The following DIAPH2 variants were observed in gnomAD, a reference collection of about 807,000 sequenced individuals.
DIAPH2 encodes the protein diaphanous related formin 2, also known as protein diaphanous homolog 2.
A neutral mutation model predicts 92.7 loss-of-function variants in DIAPH2; 35 were observed. The observed-to-expected ratio is 0.38, with a 90% CI of 0.29 to 0.50. DIAPH2 has a LOEUF of 0.50. DIAPH2 is among the 20% of genes least tolerant of loss of function. The pLI, the probability that DIAPH2 is intolerant of heterozygous loss-of-function variation, is 0.94. For synonymous variants in DIAPH2, 301 were observed against 280.4 expected, an observed-to-expected ratio of 1.07 and a Z score of -0.73; for missense variants, 701 against 819.5, an observed-to-expected ratio of 0.86 and a Z score of 1.77.
At chrX:97,385,654 C>G (rs2069592945) in intron 25 of DIAPH2, among the ~76,000 whole-genome samples, 1 of 111,675 alleles carries the variant, frequency 9.0e-6, no homozygotes, top group Admixed American at 9.5e-5. Context: ...GTCACACAAA[C>G]AGGAAGTACT....
In DIAPH2 at chrX:97,602,755, A is replaced by G. The variant is rs1340949026; in HGVS notation, c.*3438A>G. 1.8e-5 allele frequency: 2 copies of G among 111,674 alleles called. No individual in the cohort carries two copies. The highest frequency in any genetic ancestry group is 1.9e-4 in the Admixed American group (2 of 10,545). 9.2% of individuals were successfully genotyped at this position (111,674 alleles called of 1,213,427 possible). ...CTGCTCTCGGGATGGTGCTTCCTTT[A>G]TCTTGAAGGGTGGCACATGTTTGCA... On this transcript the variant is annotated 3_prime_UTR_variant, in exon 27 of 27. Coordinates refer to ENST00000324765, the MANE Select transcript of DIAPH2 (RefSeq NM_006729.5).
chrX:97,555,386 T>A (rs966030017), intron 26 of DIAPH2: 1 of 702,399 alleles, frequency 1.4e-6, no homozygotes, highest in Non-Finnish European at 1.7e-6. Context: ...AGAAATGCAG[T>A]CTTCTTTTAC....
At chrX:97,190,766 G>A (rs2067645700) in intron 22 of DIAPH2, among the ~76,000 whole-genome samples, 2 of 106,693 alleles carry the variant, frequency 1.9e-5, no homozygotes, top group African/African-American at 6.9e-5. Flanking sequence ...CCCGGGAGGC[G>A]GAGGTTGCAG....
rs1287303656 is a variant in DIAPH2 at position 97,141,739 on chromosome X, T to C, written c.2664T>C (p.Tyr888=). Residue 888 remains tyrosine (Y), a synonymous_variant, in exon 22 of 27, where the codon TAT becomes TAC. Transcript: ENST00000324765. ...TTGCCGACATTTGTGAGGAAAAATA[T>C]CGAGATATCCTAAAATTTCCTGAAG... is the stretch of plus-strand genomic sequence containing the variant. ...HFIADICEEK[Y]RDILKFPEEL... is the part of the protein sequence containing the mutation. The C allele has an allele frequency of 2.5e-6, 3 of 1,204,476 alleles. No homozygotes were observed. Among genetic ancestry groups the C allele is most frequent in the African/African-American group, 3.5e-5 (2 of 57,111 alleles).
chrX:97,097,155 A>T (rs2066874872), intron 19 of DIAPH2, among the ~76,000 whole-genome samples: 1 of 111,428 alleles, frequency 9.0e-6, no homozygotes, highest in African/African-American at 3.3e-5. Flanking sequence ...AAATACTCCT[A>T]TCCAACCTTA....
chrX:97,197,922 C>A (rs1234116074), intron 22 of DIAPH2, among the ~76,000 whole-genome samples: 1 of 111,466 alleles, frequency 9.0e-6, no homozygotes, highest in Non-Finnish European at 1.9e-5. Flanking sequence ...ATTTCCCCAG[C>A]CTTGTGTATT....
chrX:96,803,911 C>T (rs988966982), intron 4 of DIAPH2, among the ~76,000 whole-genome samples: 7 of 111,262 alleles, frequency 6.3e-5, no homozygotes, highest in Admixed American at 2.9e-4. Flanking sequence ...CGGTGGCACG[C>T]GCCTGTAATC....
intron 19 of DIAPH2, among the ~76,000 whole-genome samples, chrX:97,086,891 T>C (rs1020680227): frequency 9.0e-6 from 1 of 111,115 alleles, no homozygotes; most frequent in African/African-American, 3.3e-5. Context: ...CTTGCTGTGG[T>C]ATGCAGGTGG....
intron 5 of DIAPH2, among the ~76,000 whole-genome samples, chrX:96,888,468 TTA>T (rs1376314033): frequency 3.8e-5 from 4 of 104,193 alleles, no homozygotes; most frequent in East Asian, 5.9e-4. Flanking sequence ...TATGTGTTTT[TTA>T]TATATATATA....
intron 1 of DIAPH2, among the ~76,000 whole-genome samples, chrX:96,719,843 G>C (rs751245856): frequency 8.9e-6 from 1 of 111,799 alleles, no homozygotes; most frequent in Admixed American, 9.5e-5. Context: ...TATTTTGATA[G>C]GGATGCATCA....
At chrX:97,575,058 AG>A (rs1344465035) in intron 26 of DIAPH2, among the ~76,000 whole-genome samples, 1 of 112,699 alleles carries the variant, frequency 8.9e-6, no homozygotes, top group Non-Finnish European at 1.9e-5. Context: ...AAAAAAGGGA[AG>A]GATTCTCGGA....
chrX:97,403,464 T>C (rs2069777824), intron 25 of DIAPH2, among the ~76,000 whole-genome samples: 1 of 112,290 alleles, frequency 8.9e-6, no homozygotes, highest in Non-Finnish European at 1.9e-5. Flanking sequence ...ATACTTTACA[T>C]ACTCTAAGCA....
At chrX:96,867,913 A>G (rs2065115914) in intron 4 of DIAPH2, among the ~76,000 whole-genome samples, 1 of 112,103 alleles carries the variant, frequency 8.9e-6, no homozygotes, top group Non-Finnish European at 1.9e-5. Context: ...TAGGGTACAC[A>G]CTATAGCAGC....
chrX:97,359,628 T>C (rs1325743527), intron 24 of DIAPH2, among the ~76,000 whole-genome samples: 1 of 101,582 alleles, frequency 9.8e-6, no homozygotes, highest in Non-Finnish European at 2.0e-5. Flanking sequence ...GCCCAGGCTG[T>C]AGTGAAGTGG....
chrX:97,059,533 C>T (rs993174867), intron 17 of DIAPH2, among the ~76,000 whole-genome samples: 2 of 111,459 alleles, frequency 1.8e-5, no homozygotes, highest in African/African-American at 6.5e-5. Context: ...TTTTGACTCC[C>T]AAAAAACTTT....
chrX:97,301,330 A>G (rs1038454739), intron 23 of DIAPH2, among the ~76,000 whole-genome samples: 9 of 111,014 alleles, frequency 8.1e-5, no homozygotes, highest in African/African-American at 3.0e-4. Context: ...TTTGTTACAT[A>G]TGATACATTA....
chrX:96,876,952 TAA>T (rs1252181615), intron 4 of DIAPH2, among the ~76,000 whole-genome samples: 1 of 110,118 alleles, frequency 9.1e-6, no homozygotes, highest in Admixed American at 9.7e-5. Flanking sequence ...TAAATTATTT[TAA>T]GTTTTATTAT....
intron 22 of DIAPH2, among the ~76,000 whole-genome samples, chrX:97,197,949 TA>T (rs1291477935): frequency 9.0e-6 from 1 of 111,572 alleles, no homozygotes; most frequent in Non-Finnish European, 1.9e-5. Context: ...TGAGTAAAAA[TA>T]AATAGAAAAT....
rs762117132 is a variant in DIAPH2, at chrX:97,006,389, A to G, written c.2050+41182A>G. Among the ~76,000 whole-genome samples, 27 of 112,218 alleles carry G rather than the reference A, an allele frequency of 2.4e-4. 1 individual carries two copies. The highest frequency in any genetic ancestry group is 5.1e-4 in the Non-Finnish European group (27 of 53,239). ...CTGAAAGTGGAGTGTTGAAGTCTCT[A>G]GCTATTATTGCATAGGGTTCTATCT... is the stretch of plus-strand genomic sequence containing the variant. On this transcript the variant is annotated intron_variant, in intron 17 of 26. Transcript: ENST00000324765.
Sources: allele counts gnomAD v4.1 joint callset (sites outside exome capture counted in the v4.1 genomes callset), GRCh38; gene constraint gnomAD v4.1.1; transcripts MANE v1.5; gene names NCBI Gene and HGNC (gene_info 2026-07-23, HGNC 2026-07-21).